Variants in GBP7 observed in about 807,000 individuals in gnomAD.
The protein encoded by GBP7 is guanylate binding protein 7, also known as guanylate-binding protein 7.
Under a neutral mutation model 61.3 loss-of-function variants are expected in GBP7, and 43 were observed. The ratio of observed to expected loss-of-function variants is 0.70; its 90% confidence interval spans 0.55 to 0.91. The LOEUF is 0.91. Among genes scored for constraint, GBP7 ranks in the 40% least tolerant of loss-of-function variants. The pLI, the probability that GBP7 is intolerant of heterozygous loss-of-function variation, is 0.00. For missense variants in GBP7, 717 were observed against 740.5 expected (o/e 0.97, Z 0.37); for synonymous variants, 267 against 271.0 (o/e 0.99, Z 0.14).
chr1:89,140,027 G>A (rs936271458), intron 9 of GBP7, among the ~76,000 whole-genome samples: 23 of 152,156 alleles, frequency 1.5e-4, no homozygotes, highest in African/African-American at 5.5e-4. Flanking sequence ...CAATAGCAAA[G>A]ACTTGGAACC....
At position 89,154,698 on chromosome 1, in the gene GBP7, C is replaced by T. The variant is rs556970961; in HGVS notation, c.319-1921G>A. On this transcript the variant is annotated intron_variant, in intron 3 of 10. Transcript: ENST00000294671. ...TTTAAATTTAAGTTCAGGCTTACCC[C>T]CAAACTAAATAAAATAAAATAAAAT... 6.0e-5 allele frequency among the ~76,000 whole-genome samples: 9 copies of T among 149,894 alleles called. 1 individual carries two copies. The South Asian group carries it at 1.9e-3, about 32-fold the overall frequency.
chr1:89,141,029 C>T (rs767160553), intron 9 of GBP7, among the ~76,000 whole-genome samples: 1 of 152,006 alleles, frequency 6.6e-6, no homozygotes, highest in Non-Finnish European at 1.5e-5. Context: ...GACCAATAGA[C>T]ACCAGGACCT....
chr1:89,157,823 G>A (rs670904), intron 3 of GBP7, among the ~76,000 whole-genome samples: 112,175 of 152,072 alleles, frequency 0.74, 41,669 homozygotes, highest in African/African-American at 0.81. Flanking sequence ...ATTCCAATCA[G>A]TAGAAAAACA....
At chr1:89,138,934 GA>G (rs562732161) in intron 9 of GBP7, among the ~76,000 whole-genome samples, 108 of 152,134 alleles carry the variant, frequency 7.1e-4, no homozygotes, top group African/African-American at 2.5e-3. Context: ...CTATGCATCT[GA>G]AAAAAGTCTA....
intron 8 of GBP7, among the ~76,000 whole-genome samples, chr1:89,142,752 G>A (rs1681981649): frequency 6.7e-6 from 1 of 148,196 alleles, no homozygotes; most frequent in African/African-American, 2.5e-5. Context: ...AAGGACCTAG[G>A]CATTTTTTGA....
rs117870414 is a variant in GBP7, at chr1:89,136,416, A to C, written c.1469-2965T>G. On this transcript the variant is annotated intron_variant, in intron 9 of 10. Coordinates refer to ENST00000294671, the MANE Select transcript of GBP7 (RefSeq NM_207398.3). ...AAAATTGACTCCTTGCTCTGCCATAAAGCAATTCTCAACAAATAAAAAAAA... is the reference window on the plus strand; with the variant it reads ...AAAATTGACTCCTTGCTCTGCCATACAGCAATTCTCAACAAATAAAAAAAA... Among the ~76,000 whole-genome samples the C allele has an allele frequency of 2.9e-3, 439 of 152,000 alleles. 5 individuals carry two copies. Among genetic ancestry groups the C allele is most frequent in the East Asian group, 0.018 (93 of 5,184 alleles).
intron 9 of GBP7, among the ~76,000 whole-genome samples, chr1:89,138,851 G>A (rs1423159338): frequency 6.6e-6 from 1 of 152,040 alleles, no homozygotes; most frequent in Non-Finnish European, 1.5e-5. Flanking sequence ...CAACTAAAGA[G>A]TTCATGCACA....
At chr1:89,166,075 A>T (rs1222599577) in intron 2 of GBP7, among the ~76,000 whole-genome samples, 9 of 152,116 alleles carry the variant, frequency 5.9e-5, no homozygotes, top group African/African-American at 2.2e-4. Context: ...ATAAGTTTTT[A>T]TTATTTCTAA....
intron 9 of GBP7, among the ~76,000 whole-genome samples, chr1:89,139,816 A>T (rs1681890858): frequency 1.3e-5 from 2 of 152,330 alleles, no homozygotes; most frequent in Admixed American, 1.3e-4. Flanking sequence ...GGATGTGGAG[A>T]AATAGGAACA....
intron 8 of GBP7, among the ~76,000 whole-genome samples, chr1:89,145,836 G>T (rs182599044): frequency 6.6e-4 from 100 of 152,140 alleles, no homozygotes; most frequent in South Asian, 8.3e-4. Flanking sequence ...AAAATAAATG[G>T]AGAGATATTC....
intron 8 of GBP7, among the ~76,000 whole-genome samples, chr1:89,147,332 G>T (rs759746473): frequency 1.3e-5 from 2 of 152,144 alleles, no homozygotes; most frequent in Admixed American, 1.3e-4. Context: ...ATAAATAAAA[G>T]AAATGGTTTG....
At chr1:89,140,197 A>G (rs1185679279) in intron 9 of GBP7, among the ~76,000 whole-genome samples, 9 of 149,888 alleles carry the variant, frequency 6.0e-5, no homozygotes, top group Non-Finnish European at 5.9e-5. Flanking sequence ...AAGGACAAAA[A>G]CCAAACACCA....
chr1:89,163,509 G>A (rs1224383280), intron 3 of GBP7, among the ~76,000 whole-genome samples: 1 of 151,726 alleles, frequency 6.6e-6, no homozygotes, highest in Non-Finnish European at 1.5e-5. Context: ...GGGTATATGT[G>A]TCAACAAATT....
intron 3 of GBP7, among the ~76,000 whole-genome samples, chr1:89,159,805 A>G (rs934704285): frequency 1.3e-5 from 2 of 152,336 alleles, no homozygotes; most frequent in African/African-American, 4.8e-5. Context: ...CGGCGTGGTG[A>G]TTCCACAAGG....
intron 1 of GBP7, among the ~76,000 whole-genome samples, chr1:89,174,589 C>A (rs556136362): frequency 6.6e-6 from 1 of 152,236 alleles, no homozygotes; most frequent in South Asian, 2.1e-4. Flanking sequence ...AACATAGATA[C>A]CATTCTAACC....
Position 89,147,767 on chromosome 1 carries a change from T to C in GBP7, c.1165A>G (p.Lys389Glu), listed in dbSNP as rs758266631. 6.2e-7 allele frequency: 1 copy of C among 1,614,080 alleles called. No individual in the cohort carries two copies. The part of the protein sequence containing the change: ...FQKKLVDTME[K>E]KKEDFVLQNE... The stretch of plus-strand genomic sequence containing the variant: ...TGCAGCACAAAGTCTTCCTTCTTTT[T>C]CTCCATGGTGTCCTGCCAGAAAAGT... Residue 389 changes from lysine (K) to glutamate (E), a missense_variant, in exon 8 of 11, where the codon AAA (lysine) becomes GAA (glutamate). Around this residue, in one of 3 missense-constraint regions of GBP7, gnomAD observed 312 missense variants for 310.1 expected, o/e 1.01. Coordinates refer to ENST00000294671, the MANE Select transcript of GBP7 (RefSeq NM_207398.3).
At position 89,132,152 on chromosome 1, in the gene GBP7, G is replaced by C; in HGVS notation, c.1914C>G (p.Ser638Arg). Residue 638 changes from serine (S) to arginine (R), a missense_variant, in exon 11 of 11, where the codon AGC becomes AGG. Around this residue, in one of 3 missense-constraint regions of GBP7, gnomAD observed 312 missense variants for 310.1 expected, o/e 1.01. Transcript: ENST00000294671. The part of the protein sequence containing the change: ...RLRNPGKKII[S>R] ...TACCATTTTAACAAAAGAAACCTCA[G>C]CTTATAATTTTCTTACCAGGATTTC... 1.2e-6 allele frequency: 2 copies of C among 1,603,066 alleles called. No individual in the cohort carries two copies. Among genetic ancestry groups the C allele is most frequent in the Non-Finnish European group, 1.7e-6 (2 of 1,175,594 alleles).
chr1:89,151,400 T>G (rs546462428), intron 5 of GBP7, among the ~76,000 whole-genome samples: 67 of 152,324 alleles, frequency 4.4e-4, no homozygotes, highest in South Asian at 1.2e-3. Context: ...GGCTTAAAAT[T>G]TAAATGCTAG....
intron 3 of GBP7, among the ~76,000 whole-genome samples, chr1:89,158,192 G>T (rs1195561059): frequency 4.6e-5 from 7 of 152,084 alleles, no homozygotes; most frequent in African/African-American, 7.2e-5. Context: ...AATAAACTAG[G>T]TGTTGATGGG....
Sources: gnomAD v4.1 joint callset for allele counts (sites outside exome capture counted in the v4.1 genomes callset) on GRCh38, gnomAD v4.1.1 for gene constraint, gnomAD v4.1.1 regional missense constraint, MANE v1.5 for transcripts, NCBI Gene and HGNC (gene_info 2026-07-23, HGNC 2026-07-21) for gene names.